The following LDB2 variants were observed in gnomAD, a reference collection of about 807,000 sequenced individuals.
LDB2 encodes LIM domain binding 2.
A neutral mutation model predicts 44.3 loss-of-function variants in LDB2; 12 were observed. The observed-to-expected ratio is 0.27, with a 90% confidence interval of 0.17 to 0.44. The LOEUF is 0.44. Among genes scored for constraint, LDB2 ranks in the 20% least tolerant of loss-of-function variants. The pLI is 1.00. For synonymous variants in LDB2, 164 were observed against 174.8 expected, an observed-to-expected ratio of 0.94 and a Z score of 0.49; for missense variants, 344 against 473.5, an observed-to-expected ratio of 0.73 and a Z score of 2.54.
chr4:16,657,699 C>T (rs1226389502), intron 2 of LDB2, among the ~76,000 whole-genome samples: 8 of 152,186 alleles, frequency 5.3e-5, no homozygotes, highest in Admixed American at 1.3e-4. Flanking sequence ...TCAGGGCCTT[C>T]GGATTTGCTG....
At chr4:16,866,707 T>C (rs1037590982) in intron 1 of LDB2, among the ~76,000 whole-genome samples, 1 of 152,196 alleles carries the variant, frequency 6.6e-6, no homozygotes, top group Non-Finnish European at 1.5e-5. Flanking sequence ...CATATTCCAC[T>C]GACATGTTAA....
At chr4:16,869,234 T>C (rs1403358876) in intron 1 of LDB2, among the ~76,000 whole-genome samples, 1 of 152,060 alleles carries the variant, frequency 6.6e-6, no homozygotes, top group Admixed American at 6.6e-5. Flanking sequence ...AGTAAAATGT[T>C]TTAAATTAGA....
intron 2 of LDB2, among the ~76,000 whole-genome samples, chr4:16,756,217 G>A (rs1766610148): frequency 6.6e-6 from 1 of 152,184 alleles, no homozygotes; most frequent in African/African-American, 2.4e-5. Context: ...GGCCGAGGCT[G>A]GGCTGGTGGA....
At chr4:16,667,626 G>A (rs114874025) in intron 2 of LDB2, among the ~76,000 whole-genome samples, 249 of 152,276 alleles carry the variant, frequency 1.6e-3, no homozygotes, top group Admixed American at 3.7e-3. Flanking sequence ...TCTCAATTTC[G>A]CTCATCTGCA....
At chr4:16,759,629 G>A (rs945967328) in intron 1 of LDB2, among the ~76,000 whole-genome samples, 4 of 151,948 alleles carry the variant, frequency 2.6e-5, no homozygotes, top group African/African-American at 4.8e-5. Context: ...TCTTTTAAGA[G>A]TTCATTTTTA....
chr4:16,530,446 TG>T (rs1729762447), intron 5 of LDB2, among the ~76,000 whole-genome samples: 1 of 152,208 alleles, frequency 6.6e-6, no homozygotes, highest in African/African-American at 2.4e-5. Context: ...CTGTTATGTA[TG>T]GGCAAATATC....
At chr4:16,535,389 C>T (rs748950967) in intron 5 of LDB2, among the ~76,000 whole-genome samples, 16 of 152,220 alleles carry the variant, frequency 1.1e-4, no homozygotes, top group East Asian at 1.9e-4. Flanking sequence ...TTCAATATGG[C>T]GAGGACCTCA....
intron 1 of LDB2, among the ~76,000 whole-genome samples, chr4:16,857,977 C>G (rs1255852540): frequency 6.7e-6 from 1 of 149,228 alleles, no homozygotes; most frequent in Non-Finnish European, 1.5e-5. Flanking sequence ...AATATATTGA[C>G]TGAATGAGCC....
intron 2 of LDB2, among the ~76,000 whole-genome samples, chr4:16,732,931 T>G (rs752667613): frequency 2.0e-5 from 3 of 152,190 alleles, no homozygotes; most frequent in Admixed American, 6.5e-5. Context: ...CGGCTGACTC[T>G]TTAAGGTCGG....
intron 2 of LDB2, among the ~76,000 whole-genome samples, chr4:16,715,763 T>G (rs974083248): frequency 1.3e-5 from 2 of 152,140 alleles, no homozygotes; most frequent in African/African-American, 4.8e-5. Context: ...CAACTTAATT[T>G]TTTTGGTGTA....
At chr4:16,717,195 T>TGAGGAG (rs34222510) in intron 2 of LDB2, among the ~76,000 whole-genome samples, 6 of 150,440 alleles carry the variant, frequency 4.0e-5, no homozygotes, top group South Asian at 2.1e-4. Flanking sequence ...ATAATGATGA[T>TGAGGAG]GAGGAGGACT....
chr4:16,712,988 G>C (rs1368501349), intron 2 of LDB2, among the ~76,000 whole-genome samples: 1 of 152,130 alleles, frequency 6.6e-6, no homozygotes. Context: ...AATAAATTGT[G>C]GTATAACCAT....
At chr4:16,546,296 C>T (rs974719268) in intron 5 of LDB2, among the ~76,000 whole-genome samples, 5 of 152,126 alleles carry the variant, frequency 3.3e-5, no homozygotes, top group African/African-American at 4.8e-5. Context: ...CGTTTGAAGG[C>T]GCAATTAAAA....
At chr4:16,558,753 A>G (rs977086525) in intron 5 of LDB2, among the ~76,000 whole-genome samples, 30 of 152,110 alleles carry the variant, frequency 2.0e-4, no homozygotes, top group African/African-American at 6.5e-4. Context: ...CAAGACACAT[A>G]ATTGTCAGAT....
At chr4:16,769,750 G>A (rs1236929748) in intron 1 of LDB2, among the ~76,000 whole-genome samples, 2 of 151,632 alleles carry the variant, frequency 1.3e-5, no homozygotes, top group African/African-American at 2.4e-5. Flanking sequence ...ATTATAAAAC[G>A]GCATACTACC....
chr4:16,875,572 C>A (rs1258482888), intron 1 of LDB2, among the ~76,000 whole-genome samples: 1 of 152,098 alleles, frequency 6.6e-6, no homozygotes, highest in African/African-American at 2.4e-5. Context: ...AAAATTTCTT[C>A]CAATTTTATA....
chr4:16,637,307 T>TC (rs1733877537), intron 2 of LDB2, among the ~76,000 whole-genome samples: 1 of 146,386 alleles, frequency 6.8e-6, no homozygotes, highest in African/African-American at 2.5e-5. Context: ...TGATTTTTTT[T>TC]TTTTTTTTTT....
At chr4:16,577,719 A>G (rs1347941234) in intron 5 of LDB2, among the ~76,000 whole-genome samples, 2 of 152,214 alleles carry the variant, frequency 1.3e-5, no homozygotes, top group African/African-American at 2.4e-5. Flanking sequence ...ACAGAAAACA[A>G]TCCTAAAATT....
At chr4:16,539,018 T>A (rs1166748101) in intron 5 of LDB2, among the ~76,000 whole-genome samples, 2 of 152,144 alleles carry the variant, frequency 1.3e-5, no homozygotes, top group Non-Finnish European at 2.9e-5. Flanking sequence ...TAAGACTCAG[T>A]CCCCAATCTT....
Sources: allele counts gnomAD v4.1 joint callset (sites outside exome capture counted in the v4.1 genomes callset), GRCh38; gene constraint gnomAD v4.1.1; transcripts MANE v1.5; gene names NCBI Gene and HGNC (gene_info 2026-07-23, HGNC 2026-07-21).